LINGO2: variants seen among roughly 807,000 people sequenced by gnomAD.
LINGO2 encodes leucine-rich repeat and immunoglobulin-like domain-containing nogo receptor-interacting protein 2.
LINGO2 carries 14 observed loss-of-function variants against 30.6 expected under a neutral mutation model. That is an observed-to-expected ratio of 0.46 (90% confidence interval 0.30 to 0.72). The LOEUF (loss-of-function observed/expected upper bound fraction) is 0.72. Among genes scored for constraint, LINGO2 ranks in the 30% least tolerant of loss-of-function variants. The pLI is 0.07. For missense variants in LINGO2, 729 were observed against 751.7 expected (o/e 0.97, Z 0.35); for synonymous variants, 317 against 288.5 (o/e 1.10, Z -1.00).
intron 5 of LINGO2, among the ~76,000 whole-genome samples, chr9:27,956,019 A>G (rs1461319583): frequency 2.1e-5 from 3 of 145,360 alleles, no homozygotes. Context: ...GGCTCACTGC[A>G]ACCTCCGCCT....
At chr9:28,561,019 C>T (rs982750627) in intron 1 of LINGO2, among the ~76,000 whole-genome samples, 2 of 151,994 alleles carry the variant, frequency 1.3e-5, no homozygotes, top group Non-Finnish European at 1.5e-5. Context: ...AAATACACAA[C>T]GAAGAGGACA....
intron 1 of LINGO2, among the ~76,000 whole-genome samples, chr9:28,587,867 C>T (rs1315729791): frequency 6.6e-6 from 1 of 151,896 alleles, no homozygotes; most frequent in Non-Finnish European, 1.5e-5. Context: ...GCATAAAGGA[C>T]AAGAACATTT....
chr9:28,983,714 C>T, the LINGO2 span, among the ~76,000 whole-genome samples: 1 of 151,896 alleles, frequency 6.6e-6, no homozygotes, highest in Admixed American at 6.6e-5. Flanking sequence ...TGCATCCATA[C>T]AGTACCTAGT....
chr9:28,318,590 T>G (rs72709374), intron 3 of LINGO2, among the ~76,000 whole-genome samples: 2,655 of 152,126 alleles, frequency 0.017, 42 homozygotes, highest in African/African-American at 0.041. Flanking sequence ...TTTTCACAAC[T>G]ATAAAAAAAA....
At chr9:28,884,994 TATTATATATA>T in the LINGO2 span, among the ~76,000 whole-genome samples, 55 of 4,610 alleles carry the variant, frequency 0.012, 10 homozygotes, top group African/African-American at 0.034. Context: ...TATAATAATA[TATTATATATA>T]TATATATATA....
chr9:28,982,518 G>A, the LINGO2 span, among the ~76,000 whole-genome samples: 2 of 151,420 alleles, frequency 1.3e-5, no homozygotes, highest in South Asian at 2.1e-4. Context: ...GAGCTCAAGT[G>A]GTTTAATCCA....
At chr9:29,094,895 T>A in the LINGO2 span, among the ~76,000 whole-genome samples, 91 of 139,292 alleles carry the variant, frequency 6.5e-4, 14 homozygotes, top group Non-Finnish European at 9.7e-4. Context: ...CATTTTATAT[T>A]CTTTTAGGTA....
intron 1 of LINGO2, among the ~76,000 whole-genome samples, chr9:28,596,838 CT>C (rs1825207547): frequency 6.6e-6 from 1 of 152,116 alleles, no homozygotes; most frequent in South Asian, 2.1e-4. Flanking sequence ...AAGTTCTGCT[CT>C]TTTCAGGACA....
rs114434407 is a variant in LINGO2 at position 27,951,563 on chromosome 9, G to A, written c.-35-857C>T. The stretch of plus-strand genomic sequence containing the variant: ...ACATTCAGACAAACTCAGTGGACCC[G>A]TTAAAGTGAAATTAAATAGGTAGCA... On this transcript the variant is annotated intron_variant, in intron 5 of 5. Transcript: ENST00000379992. Among the ~76,000 whole-genome samples, 650 of 152,190 alleles carry A rather than the reference G, an allele frequency of 4.3e-3. 5 individuals carry two copies. The highest frequency in any genetic ancestry group is 0.015 in the African/African-American group (627 of 41,544).
At chr9:29,079,742 G>A in the LINGO2 span, among the ~76,000 whole-genome samples, 1 of 151,796 alleles carries the variant, frequency 6.6e-6, no homozygotes, top group South Asian at 2.1e-4. Flanking sequence ...AAAATGAAAG[G>A]ACATATGGTC....
At chr9:27,987,936 T>C (rs1336150535) in intron 5 of LINGO2, among the ~76,000 whole-genome samples, 3 of 152,072 alleles carry the variant, frequency 2.0e-5, no homozygotes, top group Admixed American at 6.6e-5. Context: ...ATGTGCCATG[T>C]TGGCGTGCTG....
At chr9:28,850,957 C>T in the LINGO2 span, among the ~76,000 whole-genome samples, 4 of 151,894 alleles carry the variant, frequency 2.6e-5, no homozygotes, top group Admixed American at 2.0e-4. Context: ...TACTAAATGG[C>T]GTATATGTGT....
At position 28,310,670 on chromosome 9, in the gene LINGO2, T is replaced by G. The variant is rs192916949; in HGVS notation, c.-245-15304A>C. Among the ~76,000 whole-genome samples, 229 of 152,296 alleles carry G rather than the reference T, an allele frequency of 1.5e-3. 2 individuals carry two copies. Among genetic ancestry groups the G allele is most frequent in the African/African-American group, 5.4e-3 (223 of 41,564 alleles). On this transcript the variant is annotated intron_variant, in intron 3 of 5. Coordinates refer to ENST00000379992, the Ensembl canonical transcript of LINGO2. ...CTGCAGTGATGGTTTCATGGGTATATTCATGTGTCAAAACATAAAAGTGTA... is the reference window on the plus strand; with the variant it reads ...CTGCAGTGATGGTTTCATGGGTATAGTCATGTGTCAAAACATAAAAGTGTA...
the LINGO2 span, among the ~76,000 whole-genome samples, chr9:29,085,351 T>C: frequency 6.7e-6 from 1 of 148,748 alleles, no homozygotes; most frequent in Non-Finnish European, 1.5e-5. Flanking sequence ...ATGTTTGCTG[T>C]CTTAAGAAAG....
At chr9:28,656,338 A>G (rs1026096581) in intron 1 of LINGO2, among the ~76,000 whole-genome samples, 4 of 152,112 alleles carry the variant, frequency 2.6e-5, no homozygotes, top group Non-Finnish European at 4.4e-5. Flanking sequence ...CATCATATTA[A>G]TTACAAAGAA....
the LINGO2 span, among the ~76,000 whole-genome samples, chr9:28,843,572 T>C: frequency 4.0e-5 from 6 of 150,810 alleles, 1 homozygote; most frequent in African/African-American, 1.5e-4. Context: ...TGAGGCAGAG[T>C]GTTAACGAAA....
chr9:28,222,085 T>C (rs1018675781), intron 4 of LINGO2, among the ~76,000 whole-genome samples: 3 of 152,198 alleles, frequency 2.0e-5, no homozygotes, highest in Non-Finnish European at 2.9e-5. Context: ...ATATTCATTT[T>C]ACAAATAAAA....
At chr9:27,998,899 T>C (rs919680195) in intron 5 of LINGO2, among the ~76,000 whole-genome samples, 27 of 152,140 alleles carry the variant, frequency 1.8e-4, no homozygotes, top group South Asian at 6.2e-4. Context: ...GGTGGGTTGT[T>C]GTTACACCAT....
At chr9:28,743,444 T>C in the LINGO2 span, among the ~76,000 whole-genome samples, 1 of 152,028 alleles carries the variant, frequency 6.6e-6, no homozygotes, top group Non-Finnish European at 1.5e-5. Flanking sequence ...GTTGGTTTTC[T>C]GCTCCTGTGC....
Sources: gnomAD v4.1 joint callset for allele counts (sites outside exome capture counted in the v4.1 genomes callset) on GRCh38, gnomAD v4.1.1 for gene constraint, MANE v1.5 for transcripts, NCBI Gene and HGNC (gene_info 2026-07-23, HGNC 2026-07-21) for gene names.